MNX1: variants seen among roughly 807,000 people sequenced by gnomAD.
The protein encoded by MNX1 is motor neuron and pancreas homeobox protein 1.
Under a neutral mutation model 17.3 loss-of-function variants are expected in MNX1, and 2 were observed. The observed-to-expected ratio is 0.12, with a 90% CI of 0.05 to 0.36. The LOEUF (loss-of-function observed/expected upper bound fraction) is 0.36. Among genes scored for constraint, MNX1 ranks in the 10% least tolerant of loss-of-function variants. The pLI is 1.00. For synonymous variants in MNX1, 306 were observed against 283.1 expected (o/e 1.08, Z -0.81); for missense variants, 556 against 564.7 (o/e 0.98, Z 0.16).
chr7:157,005,489 T>A lies in MNX1; in HGVS notation c.*31A>T, dbSNP rs1176103169. ...AGAAGCCGCCGGCCGGGGCGCTCCG[T>A]GCGCGCCGCACCTGCTGGGCCGCGG... On this transcript the variant is annotated 3_prime_UTR_variant, in exon 3 of 3. Transcript: ENST00000252971. The A allele has an allele frequency of 1.6e-6, 2 of 1,286,392 alleles. No homozygotes were observed. Among genetic ancestry groups the A allele is most frequent in the East Asian group, 3.1e-5 (1 of 31,804 alleles). 79.7% of individuals were successfully genotyped at this position (1,286,392 alleles called of 1,614,324 possible).
At position 157,008,803 on chromosome 7, in the gene MNX1, A is replaced by G. The variant is rs1805651043; in HGVS notation, c.691+857T>C. The G allele has an allele frequency of 5.0e-6, 3 of 605,068 alleles. No homozygotes were observed. In the East Asian group the frequency reaches 8.4e-5, roughly 17 times the overall value. The allele number at this position is 605,068 out of a possible 1,614,324, so 37.5% of individuals were successfully genotyped here. On this transcript the variant is annotated intron_variant, in intron 1 of 2. Transcript: ENST00000252971. ...GCTGACCCCGATGGGGCGAGCGGGG[A>G]GAGCCAGAGCCCCAGAGAGCCAGAG...
chr7:157,009,604 G>A (rs2134845620), intron 1 of MNX1, 56 bp downstream of exon 1: 1 of 1,584,002 alleles, frequency 6.3e-7, no homozygotes, highest in Non-Finnish European at 8.6e-7. Flanking sequence ...GGTGCCGGTG[G>A]AGGATGCGCG....
In MNX1 at chr7:157,008,854, C is replaced by T. The variant is rs541677165; in HGVS notation, c.691+806G>A. The T allele has an allele frequency of 1.2e-3, 986 of 797,918 alleles. 2 individuals carry two copies. Among genetic ancestry groups the T allele is most frequent in the Non-Finnish European group, 1.8e-3 (911 of 508,816 alleles). 49.4% of individuals were successfully genotyped at this position (797,918 alleles called of 1,614,324 possible). A position where few individuals can be genotyped will look rare whatever the true frequency, so the allele number is the denominator to read the frequency against. On this transcript the variant is annotated intron_variant, in intron 1 of 2. Coordinates refer to ENST00000252971, the MANE Select transcript of MNX1 (RefSeq NM_005515.4). ...CCCCGGAGCCCCAGCCCGGAGAGTC[C>T]GCGTGTGCCAGGAAAGCCTGAGGGG...
chr7:157,008,669 C>T (rs1036347382), intron 1 of MNX1: 5 of 394,454 alleles, frequency 1.3e-5, no homozygotes, highest in Admixed American at 4.2e-5. Flanking sequence ...CTGCATCTCC[C>T]CAGTCTAAAC....
At chr7:157,009,445 G>A (rs1373853960) in intron 1 of MNX1, 7 of 1,431,342 alleles carry the variant, frequency 4.9e-6, no homozygotes, top group Non-Finnish European at 6.4e-6. Flanking sequence ...AGGAAGAGAA[G>A]GCAAGGCCTG....
chr7:157,005,979 G>T, intron 2 of MNX1, 106 bp from the exon 3 acceptor site: 2 of 1,328,890 alleles, frequency 1.5e-6, no homozygotes, highest in Non-Finnish European at 1.1e-6. Context: ...GTCGGCCCTG[G>T]AATGGCCTCA....
chr7:157,009,036 G>C, intron 1 of MNX1: 1 of 1,537,098 alleles, frequency 6.5e-7, no homozygotes, highest in Non-Finnish European at 8.7e-7. Flanking sequence ...GGCACCTACT[G>C]TTGAGAGTCC....
chr7:157,009,585 G>C (rs993025745), intron 1 of MNX1, 75 bp downstream of exon 1: 2 of 1,562,440 alleles, frequency 1.3e-6, no homozygotes, highest in Non-Finnish European at 1.7e-6. Flanking sequence ...AGCGCAGAGA[G>C]GGGCAGGCGG....
rs749617763 is a variant in MNX1, at chr7:157,010,303, G to C, written c.48C>G (p.Asp16Glu). The C allele has an allele frequency of 8.9e-6, 14 of 1,577,076 alleles. No individual in the cohort carries two copies. In the African/African-American group the frequency reaches 1.8e-4, roughly 20 times the overall value. ...TCTGCGCAGAGGCGGCTCGTGGGGGGTCCACCGCCAGCAGGGCGTCGATGC... is the reference window on the plus strand; with the variant it reads ...TCTGCGCAGAGGCGGCTCGTGGGGGCTCCACCGCCAGCAGGGCGTCGATGC... Reference protein sequence around the residue: ...NFRIDALLAVDPPRAASAQSA... With the variant: ...NFRIDALLAVEPPRAASAQSA... The change falls in exon 1 of 3, where the codon GAC (aspartate) becomes GAG (glutamate). Residue 16 changes from aspartate to glutamate, a missense_variant. Physicochemically the swap from Asp to Glu is conservative, Grantham distance 45. Around this residue, in one of 7 missense-constraint regions of MNX1, gnomAD observed 45 missense variants for 42.0 expected, o/e 1.07. Transcript: ENST00000252971.
chr7:157,005,763 C>T lies in MNX1; in HGVS notation c.963G>A (p.Gly321=), dbSNP rs1357444215. The change falls in exon 3 of 3, where the codon GGG becomes GGA. Residue 321 remains glycine (G), a synonymous_variant. Coordinates refer to ENST00000252971, the MANE Select transcript of MNX1 (RefSeq NM_005515.4). ...EKQKGGGGGA[G]KGGAEEPGAE... The stretch of plus-strand genomic sequence containing the variant: ...CTCCCGGCTCCTCCGCGCCGCCCTT[C>T]CCCGCGCCCCCGCCGCCGCCCTTCT... 9.9e-6 allele frequency: 16 copies of T among 1,609,516 alleles called. No individual in the cohort carries two copies. Among genetic ancestry groups the T allele is most frequent in the African/African-American group, 1.3e-5 (1 of 74,896 alleles).
Position 157,006,580 on chromosome 7 carries a change from G to C in MNX1, c.751C>G (p.Gln251Glu). 1.2e-6 allele frequency: 2 copies of C among 1,606,984 alleles called. No homozygotes were observed. The highest frequency in any genetic ancestry group is 1.7e-6 in the Non-Finnish European group (2 of 1,177,812). The change falls in exon 2 of 3, where the codon CAG becomes GAG. Residue 251 changes from glutamine to glutamate, a missense_variant. This residue lies in a region of MNX1 where 210 missense variants were observed against 211.3 expected (regional missense o/e 0.99). Coordinates refer to ENST00000252971, the MANE Select transcript of MNX1 (RefSeq NM_005515.4). The surrounding 1 kb of genome is among the most constrained non-coding windows in gnomAD (Gnocchi z 6.3). ...TGGTGCTCCAGCTCCAGCAGCTGCT[G>C]GCTGGTGAAGGCGGTGCGCGGCCGG... ...CRRPRTAFTS[Q>E]QLLELEHQFK...
chr7:157,009,640 G>C lies in MNX1; in HGVS notation c.691+20C>G, dbSNP rs774038065. 8 of 1,606,348 alleles carry C rather than the reference G, an allele frequency of 5.0e-6. No individual in the cohort carries two copies. Among genetic ancestry groups the C allele is most frequent in the Non-Finnish European group, 6.8e-6 (8 of 1,177,766 alleles). ...AGGCCCTCCCGCCACGCGCATCCAC[G>C]GGGGCCGCAGGGTACTCACAGTTGA... is the stretch of plus-strand genomic sequence containing the variant. On this transcript the variant is annotated intron_variant, in intron 1 of 2. Coordinates refer to ENST00000252971, the MANE Select transcript of MNX1 (RefSeq NM_005515.4).
chr7:157,010,175 C>A lies in MNX1; in HGVS notation c.176G>T (p.Ser59Ile), dbSNP rs1382140296. ...GASGGTSGSC[S>I]PASSEPPAAP... ...AGCCGGCGGCTCCGAGGACGCGGGG[C>A]TGCAGCTGCCGCTAGTCCCGCCGCT... The change falls in exon 1 of 3, where the codon AGC becomes ATC. Residue 59 changes from serine (S) to isoleucine (I), a missense_variant. Coordinates refer to ENST00000252971, the MANE Select transcript of MNX1 (RefSeq NM_005515.4). 1 of 1,172,470 alleles carries A rather than the reference C, an allele frequency of 8.5e-7. No individual in the cohort carries two copies. Among genetic ancestry groups the A allele is most frequent in the Non-Finnish European group, 1.1e-6 (1 of 947,388 alleles). The allele number at this position is 1,172,470 out of a possible 1,614,324, so 72.6% of individuals were successfully genotyped here. A position where few individuals can be genotyped will look rare whatever the true frequency, so the allele number is the denominator to read the frequency against.
chr7:157,005,896 G>C (rs1313902594), intron 2 of MNX1, 23 bp from the exon 3 acceptor site: 1 of 1,609,058 alleles, frequency 6.2e-7, no homozygotes, highest in Non-Finnish European at 8.5e-7. Flanking sequence ...GCGGGCGTGA[G>C]AAACCGGCCA....
intron 1 of MNX1, chr7:157,008,877 G>T (rs559932872): frequency 2.0e-6 from 2 of 1,020,846 alleles, no homozygotes; most frequent in East Asian, 5.3e-5. Context: ...AAAGCCTGAG[G>T]GGCCCAGGCC....
chr7:157,009,233 G>T, intron 1 of MNX1: 1 of 1,433,350 alleles, frequency 7.0e-7, no homozygotes, highest in African/African-American at 1.4e-5. Context: ...CCCTGGAGGG[G>T]CCGCGGGTCT....
Position 157,005,199 on chromosome 7 carries a change from G to C in MNX1, c.*321C>G, listed in dbSNP as rs1168440570. ...GCTTCCCCTTGCGCGGGGTGGGTCGGTTCTTCTCACACGCACTCGCGCCTC... is the reference window on the plus strand; with the variant it reads ...GCTTCCCCTTGCGCGGGGTGGGTCGCTTCTTCTCACACGCACTCGCGCCTC... On this transcript the variant is annotated 3_prime_UTR_variant, in exon 3 of 3. Transcript: ENST00000252971. 2 of 239,922 alleles carry C rather than the reference G, an allele frequency of 8.3e-6. No homozygotes were observed. The highest frequency in any genetic ancestry group is 1.1e-4 in the Admixed American group (2 of 17,954). The allele number at this position is 239,922 out of a possible 1,614,324, so 14.9% of individuals were successfully genotyped here.
intron 1 of MNX1, chr7:157,009,238 G>A (rs572837738): frequency 1.3e-5 from 19 of 1,432,328 alleles, no homozygotes; most frequent in South Asian, 3.1e-5. Flanking sequence ...GAGGGGCCGC[G>A]GGTCTCTCTA....
rs1303257427 is a variant in MNX1, at chr7:157,005,619, G to A, written c.1107C>T (p.Pro369=). 4 of 1,608,622 alleles carry A rather than the reference G, an allele frequency of 2.5e-6. No homozygotes were observed. Among genetic ancestry groups the A allele is most frequent in the Non-Finnish European group, 2.5e-6 (3 of 1,178,494 alleles). The change falls in exon 3 of 3, where the codon CCC becomes CCT. Residue 369 remains proline (P), a synonymous_variant. Coordinates refer to ENST00000252971, the MANE Select transcript of MNX1 (RefSeq NM_005515.4). ...CGTGGACGCTGGCGCCGTTGCTGTAGGGGAAATGGTCCTCGTCGTCCTCGT... is the reference window on the plus strand; with the variant it reads ...CGTGGACGCTGGCGCCGTTGCTGTAAGGGAAATGGTCCTCGTCGTCCTCGT... The part of the protein sequence containing the change: ...DEDEDDEDHF[P]YSNGASVHAA...
Sources: gnomAD v4.1 joint callset for allele counts on GRCh38, gnomAD v4.1.1 for gene constraint, gnomAD v4.1.1 regional missense constraint, Gnocchi (gnomAD v3.1) non-coding constraint, MANE v1.5 for transcripts, NCBI Gene and HGNC (gene_info 2026-07-23, HGNC 2026-07-21) for gene names.